Variants in NALF1 observed in about 807,000 individuals in gnomAD.
NALF1 encodes NALCN channel auxiliary factor 1.
A neutral mutation model predicts 48.4 loss-of-function variants in NALF1; 3 were observed. The observed-to-expected ratio is 0.06, with a 90% CI of 0.03 to 0.16. The LOEUF is 0.16. Ranked by LOEUF, NALF1 falls within the 10% of genes least tolerant of loss-of-function variation. The probability of loss-of-function intolerance (pLI) is 1.00; values close to 1 mark genes in which losing one functional copy is unlikely to be tolerated. For missense variants in NALF1, 526 were observed against 571.5 expected (o/e 0.92, Z 0.81); for synonymous variants, 262 against 245.7 (o/e 1.07, Z -0.62).
chr13:107,337,761 T>G (rs1882588171), intron 1 of NALF1, among the ~76,000 whole-genome samples: 1 of 152,182 alleles, frequency 6.6e-6, no homozygotes, highest in Admixed American at 6.6e-5. Context: ...GTCGAGATTT[T>G]GGGGTCAGAC....
At chr13:107,815,293 A>G (rs1879129650) in intron 1 of NALF1, among the ~76,000 whole-genome samples, 2 of 151,552 alleles carry the variant, frequency 1.3e-5, no homozygotes. Flanking sequence ...GGATCCAAAA[A>G]GAACTCTTAT....
intron 1 of NALF1, among the ~76,000 whole-genome samples, chr13:107,864,429 C>T (rs1474718477): frequency 2.0e-5 from 3 of 152,144 alleles, no homozygotes; most frequent in Non-Finnish European, 4.4e-5. Flanking sequence ...GTTCTTTTAT[C>T]AAAAAAATCA....
At chr13:107,439,060 C>T (rs972289413) in intron 1 of NALF1, among the ~76,000 whole-genome samples, 3 of 151,744 alleles carry the variant, frequency 2.0e-5, no homozygotes, top group African/African-American at 4.8e-5. Context: ...CTAAAACACA[C>T]GCATATTTTA....
intron 1 of NALF1, among the ~76,000 whole-genome samples, chr13:107,401,008 G>C (rs1391072306): frequency 6.6e-6 from 1 of 152,110 alleles, no homozygotes; most frequent in African/African-American, 2.4e-5. Context: ...TAATTATGTG[G>C]ATACAGTAGT....
intron 1 of NALF1, among the ~76,000 whole-genome samples, chr13:107,733,821 G>A (rs538027149): frequency 5.3e-4 from 80 of 152,226 alleles, no homozygotes; most frequent in African/African-American, 1.8e-3. Context: ...TTTCCTGGAA[G>A]AGGAAAGCAT....
intron 1 of NALF1, among the ~76,000 whole-genome samples, chr13:107,787,797 G>C (rs983169542): frequency 7.9e-5 from 12 of 152,154 alleles, no homozygotes; most frequent in African/African-American, 2.9e-4. Flanking sequence ...TAGTATATGT[G>C]CTTGAATAAT....
chr13:107,510,726 C>A (rs749993540), intron 1 of NALF1, among the ~76,000 whole-genome samples: 1 of 152,162 alleles, frequency 6.6e-6, no homozygotes, highest in Non-Finnish European at 1.5e-5. Flanking sequence ...CAACGCCAGA[C>A]AAGGACATTC....
chr13:107,512,109 C>T (rs1216982336), intron 1 of NALF1, among the ~76,000 whole-genome samples: 1 of 152,192 alleles, frequency 6.6e-6, no homozygotes, highest in Admixed American at 6.5e-5. Context: ...ACCTGGTTTA[C>T]TTTGGCTGGG....
intron 1 of NALF1, among the ~76,000 whole-genome samples, chr13:107,607,475 C>T (rs1451061453): frequency 1.3e-5 from 2 of 152,096 alleles, no homozygotes; most frequent in Non-Finnish European, 2.9e-5. Context: ...GAAGGTTCTT[C>T]GAAACTAGTA....
chr13:107,606,860 G>A (rs1197530592), intron 1 of NALF1, among the ~76,000 whole-genome samples: 1 of 152,056 alleles, frequency 6.6e-6, no homozygotes, highest in African/African-American at 2.4e-5. Flanking sequence ...AAATCTATCT[G>A]TCCTGAAAAG....
At chr13:107,314,161 C>A (rs1395214899) in intron 1 of NALF1, among the ~76,000 whole-genome samples, 1 of 152,102 alleles carries the variant, frequency 6.6e-6, no homozygotes, top group African/African-American at 2.4e-5. Context: ...TCTCTCAGGT[C>A]TACTCTGTTT....
Position 107,163,886 on chromosome 13 carries a change from CAA to C in NALF1, c.*6609_*6610del, listed in dbSNP as rs1316101750. The C allele has an allele frequency of 4.0e-5, 6 of 151,810 alleles. No homozygotes were observed. Among genetic ancestry groups the C allele is most frequent in the Non-Finnish European group, 7.4e-5 (5 of 67,930 alleles). The allele number at this position is 151,810 out of a possible 1,614,324, so 9.4% of individuals were successfully genotyped here. On this transcript the variant is annotated 3_prime_UTR_variant, in exon 3 of 3. Transcript: ENST00000375915. ...TGCAGAAAAAGGTAGAAAAAGAAAACAAGAGAAAAAGGAAGAAAAAGAAAGCA... is the reference window on the plus strand; with the variant it reads ...TGCAGAAAAAGGTAGAAAAAGAAAACGAGAAAAAGGAAGAAAAAGAAAGCA...
At chr13:107,379,578 A>C (rs1883396334) in intron 1 of NALF1, among the ~76,000 whole-genome samples, 1 of 152,178 alleles carries the variant, frequency 6.6e-6, no homozygotes, top group South Asian at 2.1e-4. Context: ...CACGTTGATC[A>C]GGAAACCCAC....
chr13:107,364,754 A>G (rs188147570), intron 1 of NALF1, among the ~76,000 whole-genome samples: 13 of 152,284 alleles, frequency 8.5e-5, no homozygotes, highest in African/African-American at 2.9e-4. Context: ...AGGGGGTCAG[A>G]CACAAGCATC....
At position 107,258,362 on chromosome 13, in the gene NALF1, T is replaced by C. The variant is rs1218986897; in HGVS notation, c.916-47607A>G. 5.9e-5 allele frequency among the ~76,000 whole-genome samples: 9 copies of C among 152,302 alleles called. 1 individual carries two copies. In the South Asian group the frequency reaches 1.0e-3, roughly 18 times the overall value. ...TTTTTACAATGAAGGATCTAACTCA[T>C]ATTGCCTCCACGACACATTTGAAAT... is the stretch of plus-strand genomic sequence containing the variant. On this transcript the variant is annotated intron_variant, in intron 1 of 2. Coordinates refer to ENST00000375915, the MANE Select transcript of NALF1 (RefSeq NM_001080396.3).
chr13:107,497,344 T>C (rs1325783085), intron 1 of NALF1, among the ~76,000 whole-genome samples: 1 of 152,218 alleles, frequency 6.6e-6, no homozygotes, highest in Non-Finnish European at 1.5e-5. Context: ...AAAAGTCATA[T>C]AGAACACTAT....
intron 1 of NALF1, among the ~76,000 whole-genome samples, chr13:107,805,459 A>C (rs1279074731): frequency 1.3e-5 from 2 of 152,030 alleles, no homozygotes; most frequent in Admixed American, 1.3e-4. Context: ...AGATAATTTT[A>C]CTCCTTAATA....
intron 1 of NALF1, among the ~76,000 whole-genome samples, chr13:107,353,086 C>G (rs1184904619): frequency 1.3e-5 from 2 of 152,060 alleles, no homozygotes; most frequent in Non-Finnish European, 2.9e-5. Context: ...CCTGACTGTT[C>G]ACTCTCCCTC....
chr13:107,436,778 A>T (rs1884470163), intron 1 of NALF1, among the ~76,000 whole-genome samples: 1 of 152,204 alleles, frequency 6.6e-6, no homozygotes, highest in East Asian at 1.9e-4. Context: ...TAGAAAGAAG[A>T]AGTAAAACTG....
Sources: allele counts gnomAD v4.1 joint callset (sites outside exome capture counted in the v4.1 genomes callset), GRCh38; gene constraint gnomAD v4.1.1; transcripts MANE v1.5; gene names NCBI Gene and HGNC (gene_info 2026-07-23, HGNC 2026-07-21).